SDK2: variants seen among roughly 807,000 people sequenced by gnomAD.
SDK2 encodes the protein protein sidekick-2.
A neutral mutation model predicts 253.9 loss-of-function variants in SDK2; 105 were observed. The ratio of observed to expected loss-of-function variants is 0.41; its 90% CI spans 0.35 to 0.49. The LOEUF is 0.49. SDK2 is among the 20% of genes least tolerant of loss of function. SDK2 has a pLI of 0.06. For missense variants in SDK2, 2,608 were observed against 3,003.0 expected (o/e 0.87, Z 3.07); for synonymous variants, 1,249 against 1,234.9 (o/e 1.01, Z -0.24).
chr17:73,509,299 T>C (rs2063959667), intron 1 of SDK2, among the ~76,000 whole-genome samples: 1 of 152,162 alleles, frequency 6.6e-6, no homozygotes, highest in African/African-American at 2.4e-5. Flanking sequence ...GCTGGCTCTG[T>C]GCCCGGCCCA....
At chr17:73,492,315 G>T (rs2145730705) in intron 2 of SDK2, among the ~76,000 whole-genome samples, 1 of 152,202 alleles carries the variant, frequency 6.6e-6, no homozygotes, top group African/African-American at 2.4e-5. Flanking sequence ...GGCCCGGCCG[G>T]CACGCTCCTG....
Position 73,447,839 on chromosome 17 carries a change from A to T in SDK2, c.480-91T>A, listed in dbSNP as rs1403484205. On this transcript the variant is annotated intron_variant, in intron 4 of 44. Coordinates refer to ENST00000392650, the MANE Select transcript of SDK2 (RefSeq NM_001144952.2). This position sits in a 1 kb window ranked among gnomAD's most constrained non-coding sequence, Gnocchi z 4.0. Reference sequence around the variant, plus strand: ...GTGGAAACCCTAAGGGGGAAGCCCGACCATATCTCCCAGTCCCCAGCCTCC... The same window carrying T: ...GTGGAAACCCTAAGGGGGAAGCCCGTCCATATCTCCCAGTCCCCAGCCTCC... 3 of 1,461,618 alleles carry T rather than the reference A, an allele frequency of 2.1e-6. No individual in the cohort carries two copies. Among genetic ancestry groups the T allele is most frequent in the Non-Finnish European group, 2.8e-6 (3 of 1,073,620 alleles). 90.5% of individuals were successfully genotyped at this position (1,461,618 alleles called of 1,614,324 possible).
At chr17:73,514,066 A>G (rs933352954) in intron 1 of SDK2, among the ~76,000 whole-genome samples, 4 of 152,180 alleles carry the variant, frequency 2.6e-5, no homozygotes, top group Admixed American at 6.5e-5. Flanking sequence ...TTACTTATCT[A>G]TGATCAGATA....
chr17:73,413,463 T>C (rs2063155759), intron 18 of SDK2, among the ~76,000 whole-genome samples: 1 of 151,982 alleles, frequency 6.6e-6, no homozygotes, highest in Admixed American at 6.6e-5. Context: ...AAACCATCCC[T>C]CCTCCCACCC....
intron 1 of SDK2, among the ~76,000 whole-genome samples, chr17:73,594,948 A>G (rs73998935): frequency 0.015 from 2,309 of 152,184 alleles, 23 homozygotes; most frequent in Middle Eastern, 0.068. Context: ...GCACACACAC[A>G]TACAACAGGC....
chr17:73,346,703 G>A (rs1013610342), intron 44 of SDK2, among the ~76,000 whole-genome samples: 1 of 152,128 alleles, frequency 6.6e-6, no homozygotes, highest in African/African-American at 2.4e-5. Context: ...ACAGGAAAAC[G>A]ACTGGGCAGA....
At chr17:73,400,519 G>A (rs2063013537) in intron 21 of SDK2, among the ~76,000 whole-genome samples, 1 of 152,178 alleles carries the variant, frequency 6.6e-6, no homozygotes, top group Non-Finnish European at 1.5e-5. Flanking sequence ...GCAGCAGGGA[G>A]CCAGGGGAGC....
chr17:73,503,260 C>G (rs8077756), intron 2 of SDK2, among the ~76,000 whole-genome samples: 92,281 of 152,100 alleles, frequency 0.61, 28,421 homozygotes, highest in Non-Finnish European at 0.66. Context: ...TACGTCCATC[C>G]GAACAAATGG....
At chr17:73,414,899 G>C in intron 17 of SDK2, 140 bp from the exon 18 acceptor site, 1 of 612,282 alleles carries the variant, frequency 1.6e-6, no homozygotes, top group Non-Finnish European at 2.9e-6. Context: ...CTCCCTCGCT[G>C]TGTAGACTTA....
At chr17:73,394,133 A>G (rs1388161106) in intron 26 of SDK2, 76 bp downstream of exon 26, 1 of 879,464 alleles carries the variant, frequency 1.1e-6, no homozygotes, top group Admixed American at 3.0e-5. Context: ...AGAGGGTGAT[A>G]AGGACAAGGC....
At chr17:73,582,637 C>T (rs879080039) in intron 1 of SDK2, among the ~76,000 whole-genome samples, 14 of 152,198 alleles carry the variant, frequency 9.2e-5, no homozygotes, top group African/African-American at 3.4e-4. Flanking sequence ...CCCTGCTGGG[C>T]AGCCTGGATG....
chr17:73,448,790 A>G (rs1376619264), intron 4 of SDK2, among the ~76,000 whole-genome samples: 1 of 151,742 alleles, frequency 6.6e-6, no homozygotes, highest in Non-Finnish European at 1.5e-5. Context: ...CCTCCTGAGT[A>G]GCTGGGATTA....
chr17:73,368,743 C>A, intron 36 of SDK2, 150 bp from the exon 37 acceptor site: 1 of 656,272 alleles, frequency 1.5e-6, no homozygotes. Context: ...GGTGCGGTGG[C>A]TCACACCTGT....
rs146090865 is a variant in SDK2, at chr17:73,382,581, C to T, written c.4705+1295G>A. On this transcript the variant is annotated intron_variant, in intron 33 of 44. Transcript: ENST00000392650. ...ATCGTTGCTACCTGCTGTGCTGTAACGTGTTTTATCGGTTGCACCACTTTG... is the reference window on the plus strand; with the variant it reads ...ATCGTTGCTACCTGCTGTGCTGTAATGTGTTTTATCGGTTGCACCACTTTG... Among the ~76,000 whole-genome samples the T allele has an allele frequency of 3.7e-3, 559 of 152,350 alleles. 2 individuals are homozygous for T. The highest frequency in any genetic ancestry group is 0.013 in the African/African-American group (530 of 41,582).
intron 39 of SDK2, among the ~76,000 whole-genome samples, chr17:73,360,210 G>A (rs1043355054): frequency 1.3e-5 from 2 of 152,212 alleles, no homozygotes; most frequent in Non-Finnish European, 2.9e-5. Flanking sequence ...AAAGGACAGC[G>A]GCTGGGTGGC....
chr17:73,354,693 C>A (rs2062570280), intron 40 of SDK2, among the ~76,000 whole-genome samples: 1 of 152,152 alleles, frequency 6.6e-6, no homozygotes, highest in South Asian at 2.1e-4. Context: ...AGTGGGTCTT[C>A]CAGGCCGCTG....
At chr17:73,457,113 A>T (rs1024580889) in intron 3 of SDK2, among the ~76,000 whole-genome samples, 16 of 152,096 alleles carry the variant, frequency 1.1e-4, no homozygotes, top group African/African-American at 3.9e-4. Context: ...TGTCGGAACC[A>T]CCTGTAGAAT....
rs1384832053 is a variant in SDK2 at position 73,414,677 on chromosome 17, G to A, written c.2451C>T (p.Pro817=). ...TIRFTWNAPS[P]QFINGINQGY... ...CCTGGTTGATGCCGTTGATGAACTG[G>A]GGGCTGGGGGCGTTCCAGGTGAAGC... The change falls in exon 18 of 45, where the codon CCC becomes CCT. Residue 817 remains proline, a synonymous_variant. Coordinates refer to ENST00000392650, the MANE Select transcript of SDK2 (RefSeq NM_001144952.2). 10 of 1,613,864 alleles carry A rather than the reference G, an allele frequency of 6.2e-6. No individual in the cohort carries two copies. Among genetic ancestry groups the A allele is most frequent in the South Asian group, 1.1e-5 (1 of 91,078 alleles).
At chr17:73,531,524 C>T (rs1382456899) in intron 1 of SDK2, among the ~76,000 whole-genome samples, 2 of 152,178 alleles carry the variant, frequency 1.3e-5, no homozygotes, top group African/African-American at 4.8e-5. Flanking sequence ...CAAATTAGTC[C>T]TGCTGGGTTC....
Sources: allele counts gnomAD v4.1 joint callset (sites outside exome capture counted in the v4.1 genomes callset), GRCh38; gene constraint gnomAD v4.1.1; non-coding constraint Gnocchi (gnomAD v3.1); transcripts MANE v1.5; gene names NCBI Gene and HGNC (gene_info 2026-07-23, HGNC 2026-07-21).